The following DAPK1 variants were observed in gnomAD, a reference collection of about 807,000 sequenced individuals.
The protein encoded by DAPK1 is death associated protein kinase 1.
A neutral mutation model predicts 144.9 loss-of-function variants in DAPK1; 56 were observed. The observed-to-expected ratio is 0.39, with a 90% CI of 0.31 to 0.48. The LOEUF (loss-of-function observed/expected upper bound fraction) is 0.48, where lower values mean the gene tolerates loss of function less well. Ranked by LOEUF, DAPK1 falls within the 20% of genes least tolerant of loss-of-function variation. The pLI, the probability that DAPK1 is intolerant of heterozygous loss-of-function variation, is 0.95. For synonymous variants in DAPK1, 690 were observed against 749.0 expected, an observed-to-expected ratio of 0.92 and a Z score of 1.29; for missense variants, 1,454 against 1,875.4, an observed-to-expected ratio of 0.78 and a Z score of 4.15.
At chr9:87,703,300 T>C (rs988665175) in intron 25 of DAPK1, 83 bp downstream of exon 25, 15 of 757,854 alleles carry the variant, frequency 2.0e-5, no homozygotes, top group Non-Finnish European at 3.4e-5. Context: ...TTGGAAGTGG[T>C]GTGAGCCTGG....
intron 2 of DAPK1, among the ~76,000 whole-genome samples, chr9:87,501,284 G>A (rs1824381717): frequency 6.6e-6 from 1 of 152,212 alleles, no homozygotes; most frequent in African/African-American, 2.4e-5. Context: ...CTTTTGGGAG[G>A]CTGAGGTAGG....
At chr9:87,557,424 T>G (rs1826758586) in intron 2 of DAPK1, among the ~76,000 whole-genome samples, 1 of 152,244 alleles carries the variant, frequency 6.6e-6, no homozygotes, top group Admixed American at 6.5e-5. Context: ...AATACAGCTT[T>G]CTTCCTGTGA....
At chr9:87,582,082 TTGTACTCTGCTGGAA>T (rs1252773758) in intron 2 of DAPK1, among the ~76,000 whole-genome samples, 5 of 152,188 alleles carry the variant, frequency 3.3e-5, no homozygotes, top group Non-Finnish European at 1.5e-5. Context: ...AAGATTGATT[TTGTACTCTGCTGGAA>T]TGTGGCCCCG....
At chr9:87,585,331 A>G (rs1310465877) in intron 2 of DAPK1, among the ~76,000 whole-genome samples, 1 of 152,218 alleles carries the variant, frequency 6.6e-6, no homozygotes. Flanking sequence ...TGGTTATACT[A>G]ACAGGAATTC....
In DAPK1 at chr9:87,697,138, C is replaced by A; in HGVS notation, c.2545C>A (p.Gln849Lys). 6.3e-7 allele frequency: 1 copy of A among 1,578,434 alleles called. No individual in the cohort carries two copies. The highest frequency in any genetic ancestry group is 8.7e-7 in the Non-Finnish European group (1 of 1,147,392). Residue 849 changes from glutamine (Q) to lysine (K), a missense_variant, in exon 22 of 26, where the codon CAG becomes AAG. By Grantham distance (53) the Gln-to-Lys change is moderately conservative (BLOSUM62 1). Transcript: ENST00000408954. Reference protein sequence around the residue: ...VFSLEEPYEIQLNQVIFWLSF... With the variant: ...VFSLEEPYEIKLNQVIFWLSF... ...TAGTCTAGAAGAGCCCTATGAGATC[C>A]AGCTGAACCAAGTGATTTTCTGGCT...
At chr9:87,524,935 G>A (rs1825434184) in intron 2 of DAPK1, among the ~76,000 whole-genome samples, 1 of 152,178 alleles carries the variant, frequency 6.6e-6, no homozygotes, top group South Asian at 2.1e-4. Context: ...CAAATGGGGT[G>A]CATTGTTTAC....
At chr9:87,523,197 T>C (rs1825366455) in intron 2 of DAPK1, among the ~76,000 whole-genome samples, 1 of 152,256 alleles carries the variant, frequency 6.6e-6, no homozygotes, top group African/African-American at 2.4e-5. Flanking sequence ...CAGAAGTCTT[T>C]CACCGTCCCA....
Position 87,587,708 on chromosome 9 carries a change from G to A in DAPK1, c.63-17246G>A, listed in dbSNP as rs1341499940. ...AAGCGTAATCAGTTTTAAGTGAAAG[G>A]GCAACAACCACTGCCACATGCCGAG... On this transcript the variant is annotated intron_variant, in intron 2 of 25. Coordinates refer to ENST00000408954, the MANE Select transcript of DAPK1 (RefSeq NM_004938.4). Among the ~76,000 whole-genome samples, 9 of 152,156 alleles carry A rather than the reference G, an allele frequency of 5.9e-5. No individual in the cohort carries two copies. The South Asian group carries it at 1.4e-3, about 24-fold the overall frequency.
chr9:87,616,555 G>A (rs1829103459), intron 3 of DAPK1, among the ~76,000 whole-genome samples: 2 of 152,180 alleles, frequency 1.3e-5, no homozygotes, highest in African/African-American at 4.8e-5. Flanking sequence ...TGAGTATCAG[G>A]GTTTGGGTCA....
At chr9:87,593,405 C>T (rs1054821406) in intron 2 of DAPK1, among the ~76,000 whole-genome samples, 1 of 152,240 alleles carries the variant, frequency 6.6e-6, no homozygotes, top group Non-Finnish European at 1.5e-5. Flanking sequence ...AGAGGAGAAA[C>T]CATGTGAATA....
intron 2 of DAPK1, among the ~76,000 whole-genome samples, chr9:87,503,086 A>G (rs1057273234): frequency 3.9e-5 from 6 of 152,146 alleles, no homozygotes; most frequent in Admixed American, 3.9e-4. Context: ...GAAAGTGGGG[A>G]GACACCTACC....
At chr9:87,602,745 T>C (rs1468477887) in intron 2 of DAPK1, among the ~76,000 whole-genome samples, 1 of 152,148 alleles carries the variant, frequency 6.6e-6, no homozygotes, top group African/African-American at 2.4e-5. Flanking sequence ...GCAATTCTCC[T>C]GCCTCAGCCT....
intron 2 of DAPK1, among the ~76,000 whole-genome samples, chr9:87,514,496 A>G (rs954047388): frequency 2.0e-5 from 3 of 152,178 alleles, no homozygotes; most frequent in African/African-American, 7.2e-5. Flanking sequence ...CTATTTGTAT[A>G]ATTACTTTCA....
At chr9:87,606,649 CTCCT>C (rs1030853486) in intron 3 of DAPK1, among the ~76,000 whole-genome samples, 9 of 101,216 alleles carry the variant, frequency 8.9e-5, no homozygotes, top group Non-Finnish European at 1.2e-4. Flanking sequence ...CCCTCCATCT[CTCCT>C]TCCTTCCTTC....
intron 3 of DAPK1, among the ~76,000 whole-genome samples, chr9:87,616,845 T>C (rs2119018599): frequency 6.6e-6 from 1 of 152,352 alleles, no homozygotes. Flanking sequence ...TCTCCTTTTC[T>C]GTGGGGCTAC....
chr9:87,631,379 G>C (rs1829686895), intron 3 of DAPK1, among the ~76,000 whole-genome samples: 1 of 152,142 alleles, frequency 6.6e-6, no homozygotes, highest in African/African-American at 2.4e-5. Flanking sequence ...TTAATGTAGT[G>C]ACATGTCCTA....
intron 2 of DAPK1, among the ~76,000 whole-genome samples, chr9:87,577,810 A>G (rs1827619063): frequency 6.6e-6 from 1 of 152,106 alleles, no homozygotes; most frequent in African/African-American, 2.4e-5. Flanking sequence ...AAAAATAAAA[A>G]ATAAAAAAAG....
chr9:87,531,297 G>A (rs1056124345), intron 2 of DAPK1, among the ~76,000 whole-genome samples: 4 of 152,112 alleles, frequency 2.6e-5, no homozygotes, highest in Non-Finnish European at 5.9e-5. Context: ...TTCATTACTG[G>A]TGCCACCAGC....
intron 17 of DAPK1, among the ~76,000 whole-genome samples, chr9:87,656,579 T>C (rs1465050028): frequency 6.6e-6 from 1 of 152,232 alleles, no homozygotes; most frequent in Non-Finnish European, 1.5e-5. Context: ...CTGCAGAAGA[T>C]AATAATAAAG....
Sources: gnomAD v4.1 joint callset for allele counts (sites outside exome capture counted in the v4.1 genomes callset) on GRCh38, gnomAD v4.1.1 for gene constraint, MANE v1.5 for transcripts, NCBI Gene and HGNC (gene_info 2026-07-23, HGNC 2026-07-21) for gene names.